The following STX8 variants were observed in gnomAD, a reference collection of about 807,000 sequenced individuals.
STX8 encodes syntaxin-8.
In STX8, 23 loss-of-function variants were observed where a neutral mutation model predicts 37.5. The ratio of observed to expected loss-of-function variants is 0.61; its 90% confidence interval spans 0.44 to 0.87. STX8 has a LOEUF of 0.87. Ranked by LOEUF, STX8 falls within the 40% of genes least tolerant of loss-of-function variation. The pLI is 0.00. For missense variants in STX8, 313 were observed against 284.7 expected, an observed-to-expected ratio of 1.10 and a Z score of -0.71; for synonymous variants, 115 against 99.1, an observed-to-expected ratio of 1.16 and a Z score of -0.95.
chr17:9,330,711 C>CCA (rs1437674105), intron 7 of STX8, among the ~76,000 whole-genome samples: 1 of 152,212 alleles, frequency 6.6e-6, no homozygotes, highest in Admixed American at 6.5e-5. Flanking sequence ...GCTCCTGCCT[C>CCA]CAGTTTGGCA....
intron 7 of STX8, among the ~76,000 whole-genome samples, chr17:9,374,151 G>A (rs935547791): frequency 4.0e-5 from 6 of 150,654 alleles, no homozygotes; most frequent in Non-Finnish European, 5.9e-5. Context: ...GCACGATCGC[G>A]GCTCACTGCA....
intron 1 of STX8, among the ~76,000 whole-genome samples, chr17:9,575,208 A>T (rs1217027741): frequency 6.6e-6 from 1 of 152,196 alleles, no homozygotes; most frequent in Non-Finnish European, 1.5e-5. Context: ...AGCTACTGCT[A>T]AAGGAAAAGA....
chr17:9,463,448 A>G (rs1171948965), intron 6 of STX8, among the ~76,000 whole-genome samples: 1 of 152,168 alleles, frequency 6.6e-6, no homozygotes, highest in Non-Finnish European at 1.5e-5. Flanking sequence ...CTTCCTCCAA[A>G]TCAAAATACT....
chr17:9,408,989 A>G (rs1445322455), intron 6 of STX8, among the ~76,000 whole-genome samples: 1 of 151,934 alleles, frequency 6.6e-6, no homozygotes, highest in African/African-American at 2.4e-5. Context: ...TGGAAATCAG[A>G]GTTAAGCCCA....
At chr17:9,542,452 C>A (rs1405106343) in intron 4 of STX8, among the ~76,000 whole-genome samples, 1 of 152,028 alleles carries the variant, frequency 6.6e-6, no homozygotes, top group Non-Finnish European at 1.5e-5. Context: ...CCGAGGCAGG[C>A]AGATCACGAG....
intron 7 of STX8, among the ~76,000 whole-genome samples, chr17:9,319,365 G>C (rs1909492675): frequency 1.3e-5 from 2 of 152,112 alleles, no homozygotes; most frequent in African/African-American, 4.8e-5. Flanking sequence ...GTTGCAGTGA[G>C]CCGAGATTGT....
intron 6 of STX8, among the ~76,000 whole-genome samples, chr17:9,385,172 T>G (rs1364164848): frequency 6.6e-6 from 1 of 152,230 alleles, no homozygotes. Flanking sequence ...TGTGACATCC[T>G]GATGCTCTGG....
intron 4 of STX8, among the ~76,000 whole-genome samples, chr17:9,523,284 C>A (rs1053499493): frequency 6.8e-6 from 1 of 147,766 alleles, no homozygotes; most frequent in African/African-American, 2.5e-5. Context: ...TGCACTCCAG[C>A]CTGGGCAACA....
intron 7 of STX8, among the ~76,000 whole-genome samples, chr17:9,272,603 C>A (rs987151284): frequency 6.6e-6 from 1 of 152,258 alleles, no homozygotes; most frequent in Non-Finnish European, 1.5e-5. Flanking sequence ...GAAGCTAGCG[C>A]GCCAGCGAGC....
chr17:9,262,526 A>G (rs1349345111), intron 7 of STX8, among the ~76,000 whole-genome samples: 1 of 151,592 alleles, frequency 6.6e-6, no homozygotes, highest in Non-Finnish European at 1.5e-5. Context: ...ACTCAAATAA[A>G]TTACATGTTT....
At chr17:9,279,075 T>G (rs1012483070) in intron 7 of STX8, among the ~76,000 whole-genome samples, 3 of 151,974 alleles carry the variant, frequency 2.0e-5, no homozygotes, top group African/African-American at 2.4e-5. Context: ...TTTGTTTTTT[T>G]TTTTTGAGAT....
intron 7 of STX8, among the ~76,000 whole-genome samples, chr17:9,329,412 C>G (rs148712917): frequency 5.9e-5 from 9 of 152,328 alleles, no homozygotes; most frequent in African/African-American, 1.9e-4. Context: ...CTAAATCACT[C>G]GCTCTCTGGC....
intron 7 of STX8, among the ~76,000 whole-genome samples, chr17:9,348,417 CAAAAAAA>C (rs1190839413): frequency 1.0e-5 from 1 of 99,472 alleles, no homozygotes; most frequent in African/African-American, 3.7e-5. Flanking sequence ...GACTCTGTCT[CAAAAAAA>C]AAAAAAAAAA....
At chr17:9,252,456 A>T (rs1394608012) in intron 7 of STX8, among the ~76,000 whole-genome samples, 4 of 151,526 alleles carry the variant, frequency 2.6e-5, no homozygotes, top group Admixed American at 1.3e-4. Flanking sequence ...AAAAAAAAAA[A>T]ATATTAGCCA....
intron 6 of STX8, among the ~76,000 whole-genome samples, chr17:9,421,095 C>T (rs1449074331): frequency 2.0e-5 from 3 of 152,028 alleles, no homozygotes; most frequent in African/African-American, 7.2e-5. Flanking sequence ...CTTTGCATTA[C>T]TATAGAATTT....
At chr17:9,473,977 C>T (rs1333806716) in intron 6 of STX8, among the ~76,000 whole-genome samples, 1 of 152,180 alleles carries the variant, frequency 6.6e-6, no homozygotes, top group African/African-American at 2.4e-5. Context: ...GGCCAACTCC[C>T]AACCCCCAGG....
At chr17:9,295,752 CA>C (rs1050535331) in intron 7 of STX8, among the ~76,000 whole-genome samples, 5 of 150,438 alleles carry the variant, frequency 3.3e-5, no homozygotes, top group Non-Finnish European at 7.4e-5. Context: ...CCCTCCCCCC[CA>C]AAAAAAGGAG....
At chr17:9,289,428 G>C (rs1908225618) in intron 7 of STX8, among the ~76,000 whole-genome samples, 1 of 152,090 alleles carries the variant, frequency 6.6e-6, no homozygotes, top group Non-Finnish European at 1.5e-5. Flanking sequence ...GACTGGTTTA[G>C]AAGGACGAGG....
chr17:9,548,900 G>A (rs1050474938), intron 3 of STX8, among the ~76,000 whole-genome samples: 1 of 152,106 alleles, frequency 6.6e-6, no homozygotes, highest in Non-Finnish European at 1.5e-5. Flanking sequence ...CTCTAAGGAA[G>A]GACAACTGAG....
Sources: gnomAD v4.1 joint callset for allele counts (sites outside exome capture counted in the v4.1 genomes callset) on GRCh38, gnomAD v4.1.1 for gene constraint, MANE v1.5 for transcripts, NCBI Gene and HGNC (gene_info 2026-07-23, HGNC 2026-07-21) for gene names.